CNTNAP5: variants seen among roughly 807,000 people sequenced by gnomAD.
CNTNAP5 encodes the protein contactin associated protein family member 5.
In CNTNAP5, 72 loss-of-function variants were observed where a neutral mutation model predicts 150.2. That is an observed-to-expected ratio of 0.48 (90% CI 0.40 to 0.58). The LOEUF (loss-of-function observed/expected upper bound fraction) is 0.58. CNTNAP5 is among the 20% of genes least tolerant of loss of function. The probability of loss-of-function intolerance (pLI) is 0.00; values close to 1 mark genes in which losing one functional copy is unlikely to be tolerated. For missense variants in CNTNAP5, 1,636 were observed against 1,626.2 expected, an observed-to-expected ratio of 1.01 and a Z score of -0.10; for synonymous variants, 672 against 619.8, an observed-to-expected ratio of 1.08 and a Z score of -1.25.
Position 124,903,041 on chromosome 2 carries a change from G to A in CNTNAP5, c.3596G>A (p.Ser1199Asn). The A allele has an allele frequency of 6.2e-7, 1 of 1,606,360 alleles. No homozygotes were observed. The highest frequency in any genetic ancestry group is 8.5e-7 in the Non-Finnish European group (1 of 1,176,120). Residue 1199 changes from serine to asparagine, a missense_variant, in exon 22 of 24, where the codon AGC (serine) becomes AAC (asparagine). Transcript: ENST00000682447. ...GTCCATGGGACCTTGACGGAATCCA[G>A]CTGTGGCTTCATGGTGGACTCAGAT... ...VTVHGTLTES[S>N]CGFMVDSDVN...
chr2:124,535,293 C>T (rs1376270838), intron 10 of CNTNAP5, among the ~76,000 whole-genome samples: 5 of 152,156 alleles, frequency 3.3e-5, no homozygotes, highest in South Asian at 2.1e-4. Context: ...GCTGTTCCTG[C>T]GGTCTTTGCC....
At position 124,271,701 on chromosome 2, in the gene CNTNAP5, C is replaced by CATCT. The variant is rs3063496; in HGVS notation, c.381+29331_381+29334dup. Among the ~76,000 whole-genome samples, 583 of 114,834 alleles carry CATCT rather than the reference C, an allele frequency of 5.1e-3. 4 individuals are homozygous for CATCT. The highest frequency in any genetic ancestry group is 7.9e-3 in the Non-Finnish European group (415 of 52,768). The allele number at this position is 114,834 out of a possible 152,430, so 75.3% of individuals were successfully genotyped here. On this transcript the variant is annotated intron_variant, in intron 3 of 23. Coordinates refer to ENST00000682447, the MANE Select transcript of CNTNAP5 (RefSeq NM_001367498.1). ...TCTATCTATCTATCTATCTATCTAT[C>CATCT]ATCTATCTATCTATCTATCTATCTA...
chr2:124,250,243 A>G (rs184745415), intron 3 of CNTNAP5, among the ~76,000 whole-genome samples: 1 of 152,320 alleles, frequency 6.6e-6, no homozygotes, highest in Admixed American at 6.5e-5. Flanking sequence ...AGCATTCAGT[A>G]GACCTAGGGT....
At chr2:124,318,383 C>T (rs138462953) in intron 3 of CNTNAP5, among the ~76,000 whole-genome samples, 1 of 152,186 alleles carries the variant, frequency 6.6e-6, no homozygotes, top group Non-Finnish European at 1.5e-5. Context: ...TTTATAAGGC[C>T]TAGTGTTAAA....
At chr2:124,839,590 C>G (rs1034163754) in intron 19 of CNTNAP5, among the ~76,000 whole-genome samples, 1 of 151,936 alleles carries the variant, frequency 6.6e-6, no homozygotes, top group African/African-American at 2.4e-5. Flanking sequence ...CTGGGGCATC[C>G]CTTCATTGAG....
chr2:124,527,936 C>T (rs895809348), intron 10 of CNTNAP5, among the ~76,000 whole-genome samples: 17 of 152,078 alleles, frequency 1.1e-4, no homozygotes, highest in Non-Finnish European at 2.4e-4. Flanking sequence ...GCTCTTACTG[C>T]CCCTACCACT....
intron 1 of CNTNAP5, among the ~76,000 whole-genome samples, chr2:124,143,740 G>T (rs1391634756): frequency 7.4e-6 from 1 of 135,980 alleles, no homozygotes; most frequent in African/African-American, 2.8e-5. Flanking sequence ...ACAAGACAGG[G>T]ATGTCCTCTC....
At chr2:124,111,556 A>C (rs928078954) in intron 1 of CNTNAP5, among the ~76,000 whole-genome samples, 5 of 152,112 alleles carry the variant, frequency 3.3e-5, no homozygotes, top group Admixed American at 3.3e-4. Context: ...AAATCACCAT[A>C]CCACAGGCTT....
At chr2:124,289,529 A>G (rs1311525044) in intron 3 of CNTNAP5, among the ~76,000 whole-genome samples, 2 of 152,246 alleles carry the variant, frequency 1.3e-5, no homozygotes, top group Non-Finnish European at 2.9e-5. Context: ...TTCTTGAAGC[A>G]TAAGAAAATT....
chr2:124,343,050 C>T (rs1350881086), intron 3 of CNTNAP5, among the ~76,000 whole-genome samples: 1 of 151,972 alleles, frequency 6.6e-6, no homozygotes, highest in Non-Finnish European at 1.5e-5. Context: ...TAATTGCCTA[C>T]AAAAAGCTTT....
At chr2:124,546,783 CA>C (rs1290074052) in intron 10 of CNTNAP5, among the ~76,000 whole-genome samples, 2 of 152,136 alleles carry the variant, frequency 1.3e-5, no homozygotes, top group Non-Finnish European at 2.9e-5. Flanking sequence ...TTGATTTGTA[CA>C]AACAAATTTT....
chr2:124,619,384 T>A, intron 12 of CNTNAP5, among the ~76,000 whole-genome samples: 1 of 152,240 alleles, frequency 6.6e-6, no homozygotes, highest in South Asian at 2.1e-4. Flanking sequence ...CAGTAACTAA[T>A]TGAAATCCGT....
intron 1 of CNTNAP5, among the ~76,000 whole-genome samples, chr2:124,212,704 G>A (rs140160483): frequency 9.9e-5 from 15 of 152,144 alleles, no homozygotes; most frequent in African/African-American, 9.6e-5. Flanking sequence ...TGATAAAGCC[G>A]ATCCTAACAA....
At chr2:124,557,202 G>A (rs181500912) in intron 10 of CNTNAP5, among the ~76,000 whole-genome samples, 13 of 152,096 alleles carry the variant, frequency 8.5e-5, no homozygotes, top group Non-Finnish European at 1.5e-4. Context: ...ACTAAAGAAC[G>A]TCCAATTTAT....
At chr2:124,747,145 A>T in intron 13 of CNTNAP5, 84 bp from the exon 14 acceptor site, 3 of 1,328,450 alleles carry the variant, frequency 2.3e-6, no homozygotes, top group Non-Finnish European at 3.1e-6. Context: ...ATTCTCCAAG[A>T]TATTTTCAGC....
At chr2:124,797,891 C>T (rs1681880589) in intron 18 of CNTNAP5, among the ~76,000 whole-genome samples, 1 of 152,156 alleles carries the variant, frequency 6.6e-6, no homozygotes. Context: ...AGGTTTGTAA[C>T]CTATGAGAGC....
intron 13 of CNTNAP5, among the ~76,000 whole-genome samples, chr2:124,651,762 T>C (rs549547749): frequency 4.6e-5 from 7 of 152,334 alleles, no homozygotes; most frequent in Admixed American, 2.6e-4. Context: ...GCACTGTCTC[T>C]GTGAAGGCCA....
chr2:124,578,156 C>CAAAAA (rs556786620), intron 11 of CNTNAP5, among the ~76,000 whole-genome samples: 4 of 69,464 alleles, frequency 5.8e-5, no homozygotes, highest in African/African-American at 1.1e-4. Context: ...ACTAAAAATA[C>CAAAAA]AAAAAAAAAA....
intron 13 of CNTNAP5, among the ~76,000 whole-genome samples, chr2:124,684,643 G>T (rs369839656): frequency 1.3e-5 from 2 of 152,314 alleles, no homozygotes; most frequent in East Asian, 3.9e-4. Flanking sequence ...ATTGTAAAGT[G>T]AGGAGGATCC....
Sources: allele counts gnomAD v4.1 joint callset (sites outside exome capture counted in the v4.1 genomes callset), GRCh38; gene constraint gnomAD v4.1.1; transcripts MANE v1.5; gene names NCBI Gene and HGNC (gene_info 2026-07-23, HGNC 2026-07-21).